Variants in MDFIC2 observed in about 807,000 individuals in gnomAD.
MDFIC2 encodes myoD family inhibitor domain-containing protein 2.
At chr3:70,209,295 T>G (rs1232872863) in intron 2 of MDFIC2, among the ~76,000 whole-genome samples, 1 of 152,086 alleles carries the variant, frequency 6.6e-6, no homozygotes, top group Non-Finnish European at 1.5e-5. Context: ...CTCTAGCTCA[T>G]GACAATGAAA....
chr3:70,217,602 T>G (rs1257257826), intron 2 of MDFIC2, among the ~76,000 whole-genome samples: 1 of 152,106 alleles, frequency 6.6e-6, no homozygotes, highest in African/African-American at 2.4e-5. Flanking sequence ...AAAAAACAGT[T>G]TTTCACTGTA....
intron 2 of MDFIC2, among the ~76,000 whole-genome samples, chr3:70,255,884 A>C (rs1701810703): frequency 6.6e-6 from 1 of 152,206 alleles, no homozygotes; most frequent in Non-Finnish European, 1.5e-5. Flanking sequence ...GTTTAGGTGC[A>C]AACTGTGTGG....
At chr3:70,286,508 G>A (rs900913823) in intron 2 of MDFIC2, among the ~76,000 whole-genome samples, 3 of 151,590 alleles carry the variant, frequency 2.0e-5, no homozygotes, top group African/African-American at 7.3e-5. Flanking sequence ...CTCCAGCTTT[G>A]TTCCTTTGGC....
At chr3:70,311,838 A>T in intron 2 of MDFIC2, 48 bp downstream of exon 2, 1 of 396,996 alleles carries the variant, frequency 2.5e-6, no homozygotes, top group Non-Finnish European at 4.4e-6. Flanking sequence ...CTTATAAACA[A>T]AAGCAAAATT....
intron 2 of MDFIC2, among the ~76,000 whole-genome samples, chr3:70,268,474 C>CAAAAAAAA (rs66482424): frequency 1.0e-5 from 1 of 96,614 alleles, no homozygotes. Flanking sequence ...GACTCCGTCT[C>CAAAAAAAA]AAAAAAAAAA....
chr3:70,225,945 A>T (rs947173356), intron 2 of MDFIC2, among the ~76,000 whole-genome samples: 2 of 152,168 alleles, frequency 1.3e-5, no homozygotes, highest in Non-Finnish European at 2.9e-5. Context: ...TGGTCTTTTG[A>T]TGATGCTTAC....
chr3:70,253,275 A>G (rs1241052524), intron 2 of MDFIC2, among the ~76,000 whole-genome samples: 1 of 152,164 alleles, frequency 6.6e-6, no homozygotes, highest in Non-Finnish European at 1.5e-5. Context: ...CCATGTGGAT[A>G]GGGAAGACCA....
rs888661294 is a variant in MDFIC2 at position 70,195,251 on chromosome 3, T to C, written c.*1675A>G. Among the ~76,000 whole-genome samples the C allele has an allele frequency of 6.6e-6, 1 of 152,148 alleles. No individual in the cohort carries two copies. Among genetic ancestry groups the C allele is most frequent in the Non-Finnish European group, 1.5e-5 (1 of 68,026 alleles). The stretch of plus-strand genomic sequence containing the variant: ...TCTAATGATCTACAAGTTCTATGCA[T>C]TGAGTATAGAGCTGTTTCTTCGAGC... On this transcript the variant is annotated 3_prime_UTR_variant, in exon 4 of 4. Transcript: ENST00000567252.
intron 2 of MDFIC2, among the ~76,000 whole-genome samples, chr3:70,246,042 T>C (rs1701705341): frequency 6.6e-6 from 1 of 151,794 alleles, no homozygotes; most frequent in Admixed American, 6.6e-5. Context: ...TATATGTAGA[T>C]AGACAGATAG....
chr3:70,245,669 CTTTATATATATATATATA>C (rs1280909615), intron 2 of MDFIC2, among the ~76,000 whole-genome samples: 14 of 72,216 alleles, frequency 1.9e-4, no homozygotes, highest in African/African-American at 7.3e-4. Flanking sequence ...TTGCAAACTG[CTTTATATATATATATATA>C]TATATATATA....
chr3:70,263,581 A>G (rs1401965899), intron 2 of MDFIC2, among the ~76,000 whole-genome samples: 1 of 152,152 alleles, frequency 6.6e-6, no homozygotes, highest in African/African-American at 2.4e-5. Context: ...TTTCCCAGAA[A>G]GTTTGTCATG....
At position 70,308,459 on chromosome 3, in the gene MDFIC2, G is replaced by A. The variant is rs181660139; in HGVS notation, c.88+3427C>T. Among the ~76,000 whole-genome samples, 491 of 152,164 alleles carry A rather than the reference G, an allele frequency of 3.2e-3. 1 individual carries two copies. The highest frequency in any genetic ancestry group is 4.8e-3 in the Non-Finnish European group (323 of 67,992). On this transcript the variant is annotated intron_variant, in intron 2 of 3. Coordinates refer to ENST00000567252, the MANE Select transcript of MDFIC2 (RefSeq NM_001364677.1). ...GAATGATTTTTTGGGTCTGTCAATG[G>A]TGTTTCTCAAATAAAATTTAGTCTA...
At chr3:70,306,809 A>G (rs1702405550) in intron 2 of MDFIC2, among the ~76,000 whole-genome samples, 1 of 152,178 alleles carries the variant, frequency 6.6e-6, no homozygotes, top group African/African-American at 2.4e-5. Flanking sequence ...TTTCTGAAGG[A>G]CAAAAAACTT....
At position 70,274,090 on chromosome 3, in the gene MDFIC2, T is replaced by TGTGTGCGC. The variant is rs770689062; in HGVS notation, c.88+37795_88+37796insGCGCACAC. On this transcript the variant is annotated intron_variant, in intron 2 of 3. Coordinates refer to ENST00000567252, the MANE Select transcript of MDFIC2 (RefSeq NM_001364677.1). The stretch of plus-strand genomic sequence containing the variant: ...GTGTGTGTGTGTGTGTGTGTGTGTG[T>TGTGTGCGC]GCGCGCGCGCATGTGTGTGTGTGAG... Among the ~76,000 whole-genome samples the TGTGTGCGC allele has an allele frequency of 2.8e-5, 4 of 145,062 alleles. No individual in the cohort carries two copies. In the South Asian group the frequency reaches 8.7e-4, roughly 32 times the overall value.
At chr3:70,308,170 T>C (rs75023784) in intron 2 of MDFIC2, among the ~76,000 whole-genome samples, 5,841 of 152,226 alleles carry the variant, frequency 0.038, 160 homozygotes, top group East Asian at 0.08. Context: ...CTGGCCTCAG[T>C]CTGTCTAGTA....
At chr3:70,211,248 C>T (rs1444656823) in intron 2 of MDFIC2, among the ~76,000 whole-genome samples, 1 of 151,416 alleles carries the variant, frequency 6.6e-6, no homozygotes, top group Non-Finnish European at 1.5e-5. Flanking sequence ...CCTTTTCCTT[C>T]CTTTCTGCTT....
intron 2 of MDFIC2, among the ~76,000 whole-genome samples, chr3:70,303,597 G>A (rs867384624): frequency 2.0e-5 from 3 of 152,088 alleles, no homozygotes; most frequent in Admixed American, 2.0e-4. Flanking sequence ...ATCAGTATAT[G>A]TTATTTTCCT....
chr3:70,275,015 C>T, intron 2 of MDFIC2, among the ~76,000 whole-genome samples: 1 of 152,176 alleles, frequency 6.6e-6, no homozygotes, highest in East Asian at 1.9e-4. Flanking sequence ...CCTTGTTTCT[C>T]AAAGGAAACT....
chr3:70,282,588 C>A (rs960416428), intron 2 of MDFIC2, among the ~76,000 whole-genome samples: 1 of 152,148 alleles, frequency 6.6e-6, no homozygotes, highest in African/African-American at 2.4e-5. Context: ...GAACTTTGCA[C>A]TTGCTATTTT....
Sources: allele counts gnomAD v4.1 joint callset (sites outside exome capture counted in the v4.1 genomes callset), GRCh38; gene constraint gnomAD v4.1.1; transcripts MANE v1.5; gene names NCBI Gene and HGNC (gene_info 2026-07-23, HGNC 2026-07-21).